SEPTIN11: variants seen among roughly 807,000 people sequenced by gnomAD.
The protein encoded by SEPTIN11 is septin 11, also known as septin-11.
A neutral mutation model predicts 51.4 loss-of-function variants in SEPTIN11; 25 were observed. The observed-to-expected ratio is 0.49, with a 90% CI of 0.35 to 0.68. The LOEUF (loss-of-function observed/expected upper bound fraction) is 0.68. SEPTIN11 is among the 30% of genes least tolerant of loss of function. SEPTIN11 has a pLI of 0.00. For missense variants in SEPTIN11, 381 were observed against 520.8 expected (o/e 0.73, Z 2.61); for synonymous variants, 174 against 184.1 (o/e 0.95, Z 0.44).
chr4:76,954,292 C>T (rs758909104), intron 1 of SEPTIN11, among the ~76,000 whole-genome samples: 39 of 152,294 alleles, frequency 2.6e-4, no homozygotes, highest in Non-Finnish European at 3.4e-4. Context: ...TGGGGATAGA[C>T]GCTGCTCTTG....
At chr4:76,982,914 G>A (rs916081650) in intron 1 of SEPTIN11, among the ~76,000 whole-genome samples, 10 of 151,854 alleles carry the variant, frequency 6.6e-5, no homozygotes, top group African/African-American at 1.5e-4. Flanking sequence ...TTTTTCTCCT[G>A]GAGACAGTTG....
intron 1 of SEPTIN11, among the ~76,000 whole-genome samples, chr4:76,953,460 A>G (rs947140294): frequency 6.6e-6 from 1 of 152,162 alleles, no homozygotes; most frequent in Non-Finnish European, 1.5e-5. Flanking sequence ...GAGGGCAGGG[A>G]GTGTGGGAAG....
intron 1 of SEPTIN11, among the ~76,000 whole-genome samples, chr4:76,994,197 C>T (rs1394799300): frequency 2.6e-5 from 4 of 152,176 alleles, no homozygotes; most frequent in Non-Finnish European, 5.9e-5. Context: ...AAGGCTGGTG[C>T]CATGGCTTCT....
chr4:76,968,856 TAAG>T lies in SEPTIN11; in HGVS notation c.27+18927_27+18929del, dbSNP rs529450096. ...GATGGTAGCTTGAGCAAAATGGTAATAAGGAGTATTGATGTATCTTCCTATTCT... is the reference window on the plus strand; with the variant it reads ...GATGGTAGCTTGAGCAAAATGGTAATGAGTATTGATGTATCTTCCTATTCT... On this transcript the variant is annotated intron_variant, in intron 1 of 9. Coordinates refer to ENST00000264893, the MANE Select transcript of SEPTIN11 (RefSeq NM_018243.4). Among the ~76,000 whole-genome samples, 11 of 152,328 alleles carry T rather than the reference TAAG, an allele frequency of 7.2e-5. No individual in the cohort carries two copies. In the East Asian group the frequency reaches 1.3e-3, roughly 19 times the overall value.
chr4:77,029,920 G>A (rs758719349), intron 8 of SEPTIN11, among the ~76,000 whole-genome samples: 10 of 152,020 alleles, frequency 6.6e-5, no homozygotes, highest in Non-Finnish European at 1.2e-4. Flanking sequence ...AGGACCAGAG[G>A]TAAAGAACCA....
At chr4:76,957,701 G>A (rs562095587) in intron 1 of SEPTIN11, among the ~76,000 whole-genome samples, 2 of 152,044 alleles carry the variant, frequency 1.3e-5, no homozygotes, top group South Asian at 4.2e-4. Context: ...CCCTTCTCTT[G>A]CACACCTGAA....
In SEPTIN11 at chr4:77,028,110, T is replaced by C. The variant is rs566209298; in HGVS notation, c.954-519T>C. ...GGCACTGACTATATGTTCGATGTTTTATTCCCTTCCCCTCATTTCATTCTC... is the reference window on the plus strand; with the variant it reads ...GGCACTGACTATATGTTCGATGTTTCATTCCCTTCCCCTCATTTCATTCTC... On this transcript the variant is annotated intron_variant, in intron 7 of 9. Transcript: ENST00000264893. Among the ~76,000 whole-genome samples, 272 of 152,288 alleles carry C rather than the reference T, an allele frequency of 1.8e-3. 1 individual carries two copies. The highest frequency in any genetic ancestry group is 6.1e-3 in the African/African-American group (255 of 41,552).
chr4:77,021,971 G>T (rs750094792), intron 7 of SEPTIN11, among the ~76,000 whole-genome samples: 27 of 152,190 alleles, frequency 1.8e-4, no homozygotes, highest in Non-Finnish European at 3.5e-4. Context: ...ATTCACTTCT[G>T]CCCTGACGGC....
intron 1 of SEPTIN11, among the ~76,000 whole-genome samples, chr4:76,953,665 G>C (rs537369633): frequency 6.6e-6 from 1 of 152,202 alleles, no homozygotes; most frequent in South Asian, 2.1e-4. Flanking sequence ...TCAAAAATTA[G>C]AACTTTTTAG....
At chr4:76,999,109 G>A (rs1723935180) in intron 2 of SEPTIN11, among the ~76,000 whole-genome samples, 1 of 152,116 alleles carries the variant, frequency 6.6e-6, no homozygotes, top group Non-Finnish European at 1.5e-5. Context: ...AAGGAATCCT[G>A]GATATCCTTC....
intron 1 of SEPTIN11, among the ~76,000 whole-genome samples, chr4:76,961,014 C>G (rs1721806852): frequency 6.6e-6 from 1 of 152,172 alleles, no homozygotes; most frequent in Non-Finnish European, 1.5e-5. Flanking sequence ...GTCCTGTGCT[C>G]CATGTTGTTG....
At chr4:77,039,156 TTCACACGTGTTG>T, downstream of SEPTIN11, 1 of 1,280,700 alleles carries the variant, frequency 7.8e-7, no homozygotes, top group African/African-American at 1.5e-5. Flanking sequence ...GAGCTGTCTG[TTCACACGTGTTG>T]GGGAAGAGTT....
Position 77,016,615 on chromosome 4 carries a change from C to CATATATATATATATATATACACATATAT in SEPTIN11, c.687+1613_687+1614insTATACACATATATATATATATATATATA, listed in dbSNP as rs370267588. ...ATACACACACATATATATATATACA[C>CATATATATATATATATATACACATATAT]ATATATATATATATACACATATATA... On this transcript the variant is annotated intron_variant, in intron 5 of 9. Transcript: ENST00000264893. 6.3e-5 allele frequency among the ~76,000 whole-genome samples: 5 copies of CATATATATATATATATATACACATATAT among 79,228 alleles called. No homozygotes were observed. In the Admixed American group the frequency reaches 7.3e-4, roughly 12 times the overall value. The allele number at this position is 79,228 out of a possible 152,430, so 52.0% of individuals were successfully genotyped here. A position where few individuals can be genotyped will look rare whatever the true frequency, so the allele number is the denominator to read the frequency against.
chr4:77,011,651 GAGA>G lies in SEPTIN11; in HGVS notation c.339-78_339-76del, dbSNP rs1433394896. ...AGGACTTGGGCTTTAGCCCTTAGGAGAGAAGAAGCCATTGTGATGTTGAATGGA... is the reference window on the plus strand; with the variant it reads ...AGGACTTGGGCTTTAGCCCTTAGGAGAGAAGCCATTGTGATGTTGAATGGA... On this transcript the variant is annotated intron_variant, in intron 3 of 9. Coordinates refer to ENST00000264893, the MANE Select transcript of SEPTIN11 (RefSeq NM_018243.4). The G allele has an allele frequency of 4.5e-6, 6 of 1,328,034 alleles. No homozygotes were observed. The East Asian group carries it at 1.2e-4, about 26-fold the overall frequency. The allele number at this position is 1,328,034 out of a possible 1,614,324, so 82.3% of individuals were successfully genotyped here. A position where few individuals can be genotyped will look rare whatever the true frequency, so the allele number is the denominator to read the frequency against.
At position 76,955,695 on chromosome 4, in the gene SEPTIN11, G is replaced by C. The variant is rs773489603; in HGVS notation, c.27+5765G>C. ...GGATTCAATAGGAGAGTTGAGAAAC[G>C]ATCAGGGGAGTTGATTCCTTTCATG... On this transcript the variant is annotated intron_variant, in intron 1 of 9. Coordinates refer to ENST00000264893, the MANE Select transcript of SEPTIN11 (RefSeq NM_018243.4). Among the ~76,000 whole-genome samples the C allele has an allele frequency of 2.1e-4, 32 of 152,294 alleles. 1 individual carries two copies. In the South Asian group the frequency reaches 2.7e-3, roughly 13 times the overall value.
At chr4:77,010,841 C>T (rs932683524) in intron 3 of SEPTIN11, among the ~76,000 whole-genome samples, 5 of 152,270 alleles carry the variant, frequency 3.3e-5, no homozygotes, top group Admixed American at 6.5e-5. Context: ...CTGAGTAGTC[C>T]CTTTGGAGAC....
chr4:77,038,645 T>TA, downstream of SEPTIN11: 1 of 995,236 alleles, frequency 1.0e-6, no homozygotes, highest in East Asian at 1.1e-4. Flanking sequence ...GAGTTCTTTT[T>TA]AGTCACTGCT....
intron 1 of SEPTIN11, chr4:76,974,555 C>T (rs1722398886): frequency 8.7e-6 from 3 of 344,408 alleles, no homozygotes; most frequent in Admixed American, 7.8e-5. Context: ...AATCCCCTGA[C>T]ACTTGCCCAC....
intron 5 of SEPTIN11, among the ~76,000 whole-genome samples, chr4:77,018,405 C>T (rs965658076): frequency 4.0e-5 from 6 of 150,986 alleles, no homozygotes; most frequent in South Asian, 2.1e-4. Context: ...GCCGAGATCG[C>T]GCCACTGCAC....
Sources: allele counts gnomAD v4.1 joint callset (sites outside exome capture counted in the v4.1 genomes callset), GRCh38; gene constraint gnomAD v4.1.1; transcripts MANE v1.5; gene names NCBI Gene and HGNC (gene_info 2026-07-23, HGNC 2026-07-21).